Variants in FBXW12 observed in about 807,000 individuals in gnomAD.
FBXW12 encodes F-box and WD repeat domain containing 12.
FBXW12 carries 43 observed loss-of-function variants against 55.3 expected under a neutral mutation model. The ratio of observed to expected loss-of-function variants is 0.78; its 90% CI spans 0.61 to 1.00. The LOEUF (loss-of-function observed/expected upper bound fraction) is 1.00, where lower values mean the gene tolerates loss of function less well. Among genes scored for constraint, FBXW12 ranks in the 50% least tolerant of loss-of-function variants. FBXW12 has a pLI of 0.00. For missense variants in FBXW12, 524 were observed against 560.5 expected (o/e 0.93, Z 0.66); for synonymous variants, 184 against 203.8 (o/e 0.90, Z 0.83).
chr3:48,381,747 A>G lies in FBXW12; in HGVS notation c.1033A>G (p.Ile345Val), dbSNP rs751677828. 1.9e-6 allele frequency: 3 copies of G among 1,609,488 alleles called. No homozygotes were observed. The highest frequency in any genetic ancestry group is 1.3e-5 in the African/African-American group (1 of 74,912). ...FQVAAHLKCPIWMGASDGYMI... is the reference protein window; with the variant it reads ...FQVAAHLKCPVWMGASDGYMI... ...GGTGGCAGCTCATCTGAAGTGCCCTATCTGGATGGGAGCCAGTGATGGATA... is the reference window on the plus strand; with the variant it reads ...GGTGGCAGCTCATCTGAAGTGCCCTGTCTGGATGGGAGCCAGTGATGGATA... The change falls in exon 9 of 11, where the codon ATC becomes GTC. Residue 345 changes from isoleucine to valine, a missense_variant. Coordinates refer to ENST00000296438, the MANE Select transcript of FBXW12 (RefSeq NM_207102.2).
intron 10 of FBXW12, among the ~76,000 whole-genome samples, chr3:48,393,317 G>A (rs1391156764): frequency 2.0e-5 from 3 of 152,028 alleles, no homozygotes; most frequent in South Asian, 4.1e-4. Flanking sequence ...TTCTACTCAC[G>A]TCAGTGCACC....
Position 48,381,775 on chromosome 3 carries a change from T to G in FBXW12, c.1061T>G (p.Met354Arg), listed in dbSNP as rs759965745. 6.2e-7 allele frequency: 1 copy of G among 1,612,110 alleles called. No individual in the cohort carries two copies. The change falls in exon 9 of 11, where the codon ATG (methionine) becomes AGG (arginine). Residue 354 changes from methionine to arginine, a missense_variant. Physicochemically the swap from Met to Arg is moderately conservative, Grantham distance 91. Coordinates refer to ENST00000296438, the MANE Select transcript of FBXW12 (RefSeq NM_207102.2). ...TGGATGGGAGCCAGTGATGGATATA[T>G]GATTGTCTTTACCAGTGGACCATAC... ...PIWMGASDGY[M>R]IVFTSGPYLL... is the part of the protein sequence containing the mutation.
At chr3:48,389,897 C>T (rs894659952) in intron 10 of FBXW12, among the ~76,000 whole-genome samples, 1 of 152,194 alleles carries the variant, frequency 6.6e-6, no homozygotes, top group Non-Finnish European at 1.5e-5. Context: ...TAGGGGTCCA[C>T]TTTCACTCTT....
At chr3:48,381,924 C>G in intron 9 of FBXW12, 31 bp from the exon 10 acceptor site, 3 of 1,613,598 alleles carry the variant, frequency 1.9e-6, no homozygotes, top group South Asian at 2.2e-5. Flanking sequence ...ACTTTGACTC[C>G]TTGGCCACTC....
chr3:48,374,654 T>C (rs2036656643), intron 4 of FBXW12, among the ~76,000 whole-genome samples: 1 of 152,018 alleles, frequency 6.6e-6, no homozygotes, highest in African/African-American at 2.4e-5. Context: ...TTTGTAGAGA[T>C]TAGGTCTCAC....
intron 10 of FBXW12, among the ~76,000 whole-genome samples, chr3:48,390,375 A>ATTTGTTTTTT (rs1232284396): frequency 1.1e-5 from 1 of 87,450 alleles, no homozygotes. Flanking sequence ...ATGTTTTTGC[A>ATTTGTTTTTT]TTTGTTTTTT....
At position 48,394,605 on chromosome 3, in the gene FBXW12, G is replaced by T; in HGVS notation, c.1341G>T (p.Arg447Ser). 1 of 1,608,646 alleles carries T rather than the reference G, an allele frequency of 6.2e-7. No homozygotes were observed. The highest frequency in any genetic ancestry group is 1.7e-4 in the Middle Eastern group (1 of 6,048). ...VMCDNASIVL[R>S]VRKVSDSSIL... ...GTGATAATGCAAGCATAGTACTTAG[G>T]GTGAGGAAAGTAAGTGACTCCAGCA... The change falls in exon 11 of 11, where the codon AGG becomes AGT. Residue 447 changes from arginine (R) to serine (S), a missense_variant. Transcript: ENST00000296438.
intron 10 of FBXW12, among the ~76,000 whole-genome samples, chr3:48,385,337 ATTGTGT>A (rs1285184332): frequency 5.7e-5 from 6 of 105,824 alleles, no homozygotes; most frequent in Non-Finnish European, 1.0e-4. Context: ...ATGGTATTCC[ATTGTGT>A]GTGTGTGTGT....
intron 3 of FBXW12, 58 bp from the exon 4 acceptor site, chr3:48,373,490 G>T: frequency 8.7e-6 from 14 of 1,604,180 alleles, no homozygotes; most frequent in Non-Finnish European, 1.2e-5. Flanking sequence ...TATAACCGGG[G>T]CTCTGAGGAG....
rs72923500 is a variant in FBXW12, at chr3:48,375,429, G to A, written c.362G>A (p.Ser121Asn). 7.1e-3 allele frequency: 11,516 copies of A among 1,612,196 alleles called. 742 individuals carry two copies. The African/African-American group carries it at 0.14, about 19-fold the overall frequency. ...VDEQEKSIIC[S>N]VSPKQELCAW... ...GAACAGGAGAAATCAATCATTTGTA[G>A]TGTATCTCCAAAGCAAGAGCTTTGT... The change falls in exon 5 of 11, where the codon AGT becomes AAT. Residue 121 changes from serine to asparagine, a missense_variant. Ser to Asn is a conservative substitution (Grantham distance 46). Transcript: ENST00000296438.
rs1575359554 is a variant in FBXW12 at position 48,378,499 on chromosome 3, T to C, written c.588T>C (p.Tyr196=). Residue 196 remains tyrosine (Y), a synonymous_variant, in exon 6 of 11, where the codon TAT becomes TAC. Coordinates refer to ENST00000296438, the MANE Select transcript of FBXW12 (RefSeq NM_207102.2). ...AGCCCTGTTATTGCATGGAAGCCTATCTTACAAAGGATGGCCCATTCCTGA... is the reference window on the plus strand; with the variant it reads ...AGCCCTGTTATTGCATGGAAGCCTACCTTACAAAGGATGGCCCATTCCTGA... ...MPQPCYCMEA[Y]LTKDGPFLMV... 10 of 1,614,016 alleles carry C rather than the reference T, an allele frequency of 6.2e-6. No individual in the cohort carries two copies. The African/African-American group carries it at 6.7e-5, about 11-fold the overall frequency.
rs187472565 is a variant in FBXW12 at position 48,372,496 on chromosome 3, C to T, written c.-85+176C>T. ...CAGGTTCTGCACCTCCAGCTCACAG[C>T]GCACAGGTGTTGCTGAGCTCCTCTA... is the stretch of plus-strand genomic sequence containing the variant. On this transcript the variant is annotated intron_variant, in intron 1 of 10. Transcript: ENST00000296438. 5.3e-5 allele frequency among the ~76,000 whole-genome samples: 8 copies of T among 152,314 alleles called. No homozygotes were observed. In the East Asian group the frequency reaches 1.5e-3, roughly 29 times the overall value.
chr3:48,384,652 C>T (rs538492545), intron 10 of FBXW12, among the ~76,000 whole-genome samples: 1 of 152,266 alleles, frequency 6.6e-6, no homozygotes, highest in Admixed American at 6.5e-5. Context: ...TTTGTAGATG[C>T]CCCTTACTGG....
At chr3:48,376,235 G>T (rs1319787209) in intron 5 of FBXW12, among the ~76,000 whole-genome samples, 1 of 152,044 alleles carries the variant, frequency 6.6e-6, no homozygotes, top group Non-Finnish European at 1.5e-5. Context: ...GCCAGCCTCA[G>T]CCTCCCAAAG....
At chr3:48,387,251 G>A (rs2036859278) in intron 10 of FBXW12, among the ~76,000 whole-genome samples, 1 of 152,030 alleles carries the variant, frequency 6.6e-6, no homozygotes, top group Non-Finnish European at 1.5e-5. Context: ...TGTCAAATGT[G>A]TGTAGATTTG....
chr3:48,388,977 G>C (rs6796491), intron 10 of FBXW12, among the ~76,000 whole-genome samples: 1 of 151,952 alleles, frequency 6.6e-6, no homozygotes, highest in Non-Finnish European at 1.5e-5. Flanking sequence ...CTGAAACTTT[G>C]TACCCTTTGA....
rs968831315 is a variant in FBXW12 at position 48,373,540 on chromosome 3, G to T, written c.129-8G>T. The T allele has an allele frequency of 6.2e-7, 1 of 1,611,906 alleles. No homozygotes were observed. Among genetic ancestry groups the T allele is most frequent in the African/African-American group, 1.3e-5 (1 of 74,860 alleles). On this transcript the variant is annotated splice_polypyrimidine_tract_variant and splice_region_variant and intron_variant, in intron 3 of 10. Transcript: ENST00000296438. The stretch of plus-strand genomic sequence containing the variant: ...AACAGCCTGATGGGACTGTGACTCT[G>T]TTTCCAGGTCACTATCTCTGCAGAG...
At chr3:48,382,896 A>C (rs1273607904) in intron 10 of FBXW12, among the ~76,000 whole-genome samples, 1 of 152,206 alleles carries the variant, frequency 6.6e-6, no homozygotes, top group African/African-American at 2.4e-5. Context: ...TGCACTGCCA[A>C]CACCACTAAA....
intron 10 of FBXW12, among the ~76,000 whole-genome samples, chr3:48,391,355 C>CACACACACACAT (rs1301553701): frequency 2.5e-4 from 35 of 141,534 alleles, no homozygotes; most frequent in African/African-American, 5.2e-4. Flanking sequence ...CACACACACA[C>CACACACACACAT]ATATATATAT....
Sources: allele counts gnomAD v4.1 joint callset (sites outside exome capture counted in the v4.1 genomes callset), GRCh38; gene constraint gnomAD v4.1.1; transcripts MANE v1.5; gene names NCBI Gene and HGNC (gene_info 2026-07-23, HGNC 2026-07-21).